Variants in DIAPH2 observed in about 807,000 individuals in gnomAD.
DIAPH2 encodes protein diaphanous homolog 2.
In DIAPH2, 35 loss-of-function variants were observed where a neutral mutation model predicts 92.7. The ratio of observed to expected loss-of-function variants is 0.38; its 90% confidence interval spans 0.29 to 0.50. The LOEUF is 0.50. Among genes scored for constraint, DIAPH2 ranks in the 20% least tolerant of loss-of-function variants. The pLI is 0.94. For synonymous variants in DIAPH2, 301 were observed against 280.4 expected, an observed-to-expected ratio of 1.07 and a Z score of -0.73; for missense variants, 701 against 819.5, an observed-to-expected ratio of 0.86 and a Z score of 1.77.
At chrX:97,380,068 T>C (rs2069538488) in intron 24 of DIAPH2, among the ~76,000 whole-genome samples, 2 of 111,240 alleles carry the variant, frequency 1.8e-5, no homozygotes. Context: ...ATTCACTTTT[T>C]TTTTCAGTAA....
intron 25 of DIAPH2, among the ~76,000 whole-genome samples, chrX:97,407,792 G>A (rs757850405): frequency 9.0e-4 from 101 of 111,886 alleles, no homozygotes; most frequent in Middle Eastern, 4.6e-3. Flanking sequence ...TGGCAACATA[G>A]TAACTTCATA....
chrX:97,367,937 C>A (rs926266493), intron 24 of DIAPH2, among the ~76,000 whole-genome samples: 4 of 111,530 alleles, frequency 3.6e-5, no homozygotes, highest in African/African-American at 1.3e-4. Flanking sequence ...AACTCCTGAC[C>A]TCAGGTGATC....
chrX:96,719,270 A>G, intron 1 of DIAPH2, among the ~76,000 whole-genome samples: 2 of 112,204 alleles, frequency 1.8e-5, no homozygotes, highest in Middle Eastern at 9.2e-3. Context: ...TTTGCTGTGC[A>G]GAAGATTTTT....
intron 12 of DIAPH2, among the ~76,000 whole-genome samples, chrX:96,939,682 T>TTTTTTTTTTTTTTTA (rs2065689976): frequency 1.8e-5 from 1 of 55,323 alleles, no homozygotes; most frequent in Non-Finnish European, 3.4e-5. Context: ...TTTTTTTTTT[T>TTTTTTTTTTTTTTTA]GAGACGGAGT....
intron 26 of DIAPH2, among the ~76,000 whole-genome samples, chrX:97,595,443 T>C (rs2071544142): frequency 1.8e-5 from 2 of 112,126 alleles, no homozygotes; most frequent in Admixed American, 1.9e-4. Context: ...TAACCTGATA[T>C]TCAGAAGCTG....
chrX:97,054,621 T>A (rs1337618890), intron 17 of DIAPH2, among the ~76,000 whole-genome samples: 1 of 111,625 alleles, frequency 9.0e-6, no homozygotes, highest in Non-Finnish European at 1.9e-5. Flanking sequence ...TCCGCAAAGG[T>A]ATACAGCCTT....
At chrX:96,992,441 A>G (rs138810314) in intron 17 of DIAPH2, among the ~76,000 whole-genome samples, 4,428 of 111,855 alleles carry the variant, frequency 0.04, 101 homozygotes, top group Middle Eastern at 0.083. Flanking sequence ...ACTTGCTCCT[A>G]ATTAAAAGTA....
chrX:96,984,284 G>T (rs982395174), intron 17 of DIAPH2, among the ~76,000 whole-genome samples: 2 of 111,370 alleles, frequency 1.8e-5, no homozygotes, highest in African/African-American at 6.5e-5. Flanking sequence ...ATCAACCTCT[G>T]GTCAGATATT....
At chrX:96,768,979 G>C (rs776961328) in intron 4 of DIAPH2, among the ~76,000 whole-genome samples, 18 of 111,486 alleles carry the variant, frequency 1.6e-4, no homozygotes, top group Non-Finnish European at 2.8e-4. Flanking sequence ...GGTGTATTTG[G>C]GGAAGAGAAA....
intron 17 of DIAPH2, among the ~76,000 whole-genome samples, chrX:96,990,832 A>G (rs1404556432): frequency 1.8e-5 from 2 of 111,268 alleles, no homozygotes; most frequent in East Asian, 5.6e-4. Flanking sequence ...GGAGTCTGGA[A>G]TATATCTTAG....
intron 17 of DIAPH2, among the ~76,000 whole-genome samples, chrX:96,970,743 G>A (rs886997512): frequency 1.8e-5 from 2 of 110,758 alleles, no homozygotes; most frequent in East Asian, 2.8e-4. Context: ...ATGTCATTCC[G>A]TTCTTCTCTG....
intron 23 of DIAPH2, among the ~76,000 whole-genome samples, chrX:97,278,238 G>A (rs899813446): frequency 4.5e-5 from 5 of 112,079 alleles, no homozygotes; most frequent in African/African-American, 1.6e-4. Flanking sequence ...ATAGTACAGA[G>A]TTCTTATATC....
intron 22 of DIAPH2, among the ~76,000 whole-genome samples, chrX:97,189,990 C>G (rs1021308961): frequency 6.2e-5 from 7 of 113,146 alleles, no homozygotes; most frequent in Admixed American, 4.6e-4. Context: ...GAGAAAAACT[C>G]TAGTGCTATT....
chrX:97,495,620 T>G (rs1230333715), intron 26 of DIAPH2, among the ~76,000 whole-genome samples: 1 of 111,979 alleles, frequency 8.9e-6, no homozygotes, highest in East Asian at 2.8e-4. Context: ...CCCAAGACTA[T>G]TAAGTTTTAT....
At chrX:97,472,928 A>G (rs146441795) in intron 26 of DIAPH2, among the ~76,000 whole-genome samples, 2,392 of 111,451 alleles carry the variant, frequency 0.021, 62 homozygotes, top group African/African-American at 0.075. Context: ...ACATTTCTCT[A>G]TCCTGGTTTA....
At chrX:96,832,321 C>T (rs1421985164) in intron 4 of DIAPH2, among the ~76,000 whole-genome samples, 1 of 111,694 alleles carries the variant, frequency 9.0e-6, no homozygotes, top group Non-Finnish European at 1.9e-5. Context: ...AACTGCCTCT[C>T]ACATATACTT....
intron 19 of DIAPH2, among the ~76,000 whole-genome samples, chrX:97,091,060 G>A (rs2066821274): frequency 9.0e-6 from 1 of 110,633 alleles, no homozygotes; most frequent in Admixed American, 9.6e-5. Flanking sequence ...AGGCTGGAGT[G>A]CAGTGGCACA....
chrX:97,366,940 A>T (rs1339320840), intron 24 of DIAPH2, among the ~76,000 whole-genome samples: 1 of 111,959 alleles, frequency 8.9e-6, no homozygotes, highest in African/African-American at 3.2e-5. Flanking sequence ...ATTGTACTAG[A>T]GTATCCATGA....
intron 16 of DIAPH2, among the ~76,000 whole-genome samples, chrX:96,962,364 T>TATATATAC (rs2065860885): frequency 6.2e-5 from 4 of 64,685 alleles, no homozygotes; most frequent in African/African-American, 2.7e-4. Context: ...CATATATATA[T>TATATATAC]ACACATATAT....
Sources: gnomAD v4.1 joint callset for allele counts (sites outside exome capture counted in the v4.1 genomes callset) on GRCh38, gnomAD v4.1.1 for gene constraint, MANE v1.5 for transcripts, NCBI Gene and HGNC (gene_info 2026-07-23, HGNC 2026-07-21) for gene names.